Variants in ZBTB17 observed in about 807,000 individuals in gnomAD.
ZBTB17 encodes the protein zinc finger and BTB domain containing 17.
In ZBTB17, 24 loss-of-function variants were observed where a neutral mutation model predicts 85.1. The observed-to-expected ratio is 0.28, with a 90% CI of 0.20 to 0.40. The LOEUF (loss-of-function observed/expected upper bound fraction) is 0.40. Ranked by LOEUF, ZBTB17 falls within the 10% of genes least tolerant of loss-of-function variation. The pLI is 1.00. For missense variants in ZBTB17, 743 were observed against 1,105.1 expected (o/e 0.67, Z 4.65); for synonymous variants, 464 against 460.2 (o/e 1.01, Z -0.11).
chr1:15,951,267 G>A lies in ZBTB17; in HGVS notation c.-2-2770C>T, dbSNP rs2071826157. ...TGATAAGAAGGGGGGAGGAAGAAGT[G>A]AAGATGGGCAAAGTAAGGGAAGGAA... On this transcript the variant is annotated intron_variant, in intron 2 of 15. Coordinates refer to ENST00000375743, the MANE Select transcript of ZBTB17 (RefSeq NM_003443.3). This position sits in a 1 kb window ranked among gnomAD's most constrained non-coding sequence, Gnocchi z 4.1. Among the ~76,000 whole-genome samples the A allele has an allele frequency of 6.7e-6, 1 of 148,756 alleles. No individual in the cohort carries two copies. Among genetic ancestry groups the A allele is most frequent in the South Asian group, 2.2e-4 (1 of 4,452 alleles).
chr1:15,943,220 C>A, intron 12 of ZBTB17, 26 bp from the exon 13 acceptor site: 1 of 1,614,108 alleles, frequency 6.2e-7, no homozygotes, highest in South Asian at 1.1e-5. Flanking sequence ...AAGGGACTCG[C>A]ATGGAACTGC....
At position 15,945,815 on chromosome 1, in the gene ZBTB17, A is replaced by G. The variant is rs1240323823; in HGVS notation, c.561T>C (p.Asp187=). Residue 187 remains aspartate, a synonymous_variant, in exon 6 of 16, where the codon GAT becomes GAC. Coordinates refer to ENST00000375743, the MANE Select transcript of ZBTB17 (RefSeq NM_003443.3). Reference sequence around the variant, plus strand: ...CCACAGGCGGCGGCTCCCGGGGCGCATCGGCTTTCTCTGTCTGCTCTGCAC... The same window carrying G: ...CCACAGGCGGCGGCTCCCGGGGCGCGTCGGCTTTCTCTGTCTGCTCTGCAC... The part of the protein sequence containing the change: ...ASGAEQTEKA[D]APREPPPVEL... 4 of 1,601,402 alleles carry G rather than the reference A, an allele frequency of 2.5e-6. No individual in the cohort carries two copies. The highest frequency in any genetic ancestry group is 1.7e-5 in the Admixed American group (1 of 59,790).
intron 6 of ZBTB17, 98 bp from the exon 7 acceptor site, chr1:15,945,300 A>G (rs1215244180): frequency 1.4e-6 from 2 of 1,481,340 alleles, no homozygotes; most frequent in Non-Finnish European, 1.8e-6. Context: ...AAATGGCCCC[A>G]GCACTGGCCA....
At chr1:15,969,661 T>C (rs2072570626) in intron 2 of ZBTB17, 1 of 456,162 alleles carries the variant, frequency 2.2e-6, no homozygotes, top group East Asian at 6.7e-5. Context: ...AGGATGTCTC[T>C]TTCTGACTGC....
chr1:15,956,944 G>A (rs890167553), intron 2 of ZBTB17, among the ~76,000 whole-genome samples: 7 of 152,184 alleles, frequency 4.6e-5, no homozygotes, highest in African/African-American at 1.7e-4. Context: ...ACTTTGGGAC[G>A]CTGAGGCGGG....
At chr1:15,942,503 T>C in intron 14 of ZBTB17, 26 bp downstream of exon 14, 1 of 1,610,016 alleles carries the variant, frequency 6.2e-7, no homozygotes, top group Non-Finnish European at 8.5e-7. Flanking sequence ...TGCCTGTGAC[T>C]TCCCTCTGCT....
chr1:15,955,908 AG>A (rs1242076248), intron 2 of ZBTB17, among the ~76,000 whole-genome samples: 1 of 152,192 alleles, frequency 6.6e-6, no homozygotes. Flanking sequence ...CACACTTTTG[AG>A]GGGGCAGACA....
At chr1:15,971,473 ACT>A (rs2072667724) in intron 2 of ZBTB17, among the ~76,000 whole-genome samples, 1 of 130,938 alleles carries the variant, frequency 7.6e-6, no homozygotes, top group Non-Finnish European at 1.7e-5. Context: ...ATACACACAC[ACT>A]ATATATATAC....
chr1:15,957,699 C>T lies in ZBTB17; in HGVS notation c.-2-9202G>A, dbSNP rs1237367035. Among the ~76,000 whole-genome samples, 3 of 152,204 alleles carry T rather than the reference C, an allele frequency of 2.0e-5. No homozygotes were observed. The South Asian group carries it at 6.2e-4, about 32-fold the overall frequency. On this transcript the variant is annotated intron_variant, in intron 2 of 15. Transcript: ENST00000375743. Reference sequence around the variant, plus strand: ...ACAGTAGAGAAGAGACAGCAGTGGCCTCACCAAGGAGGTAGAAAACAGGCG... The same window carrying T: ...ACAGTAGAGAAGAGACAGCAGTGGCTTCACCAAGGAGGTAGAAAACAGGCG...
rs1450582932 is a variant in ZBTB17 at position 15,966,758 on chromosome 1, T to C, written c.-3+6281A>G. Among the ~76,000 whole-genome samples the C allele has an allele frequency of 6.6e-6, 1 of 152,046 alleles. No homozygotes were observed. The highest frequency in any genetic ancestry group is 1.5e-5 in the Non-Finnish European group (1 of 68,016). On this transcript the variant is annotated intron_variant, in intron 2 of 15. Transcript: ENST00000375743. The surrounding 1 kb of genome is among the most constrained non-coding windows in gnomAD (Gnocchi z 4.1). ...AGGTTCAATGAGCCACAGTACTTAC[T>C]CTCTGACCTCTATTATTTCAACCAT...
rs942486829 is a variant in ZBTB17, at chr1:15,945,011, G to A, written c.853C>T (p.Arg285Trp). ...CCGTAGGTGCCTGAGCGCAGGCCCC[G>A]GGCCTCGGAGCCGAGCTCCTGCCCC... The part of the protein sequence containing the change: ...DSGQELGSEA[R>W]GLRSGTYGDR... The change falls in exon 7 of 16, where the codon CGG becomes TGG. Residue 285 changes from arginine (R) to tryptophan (W), a missense_variant. Around this residue, in one of 4 missense-constraint regions of ZBTB17, gnomAD observed 279 missense variants for 269.9 expected, o/e 1.03. Transcript: ENST00000375743. 1 of 1,599,120 alleles carries A rather than the reference G, an allele frequency of 6.3e-7. No homozygotes were observed. Among genetic ancestry groups the A allele is most frequent in the South Asian group, 1.1e-5 (1 of 88,728 alleles).
In ZBTB17 at chr1:15,976,045, G is replaced by C. The variant is rs777084258; in HGVS notation, c.-152C>G. On this transcript the variant is annotated 5_prime_UTR_variant, in exon 1 of 16. Coordinates refer to ENST00000375743, the MANE Select transcript of ZBTB17 (RefSeq NM_003443.3). Reference sequence around the variant, plus strand: ...TCACGGCCGCGAGAAGGCCGGGGACGGCACTCCAGAGCAGACAAAGGGCGC... The same window carrying C: ...TCACGGCCGCGAGAAGGCCGGGGACCGCACTCCAGAGCAGACAAAGGGCGC... 2.4e-4 allele frequency: 164 copies of C among 694,736 alleles called. No individual in the cohort carries two copies. The highest frequency in any genetic ancestry group is 3.4e-4 in the Non-Finnish European group (130 of 381,166). 43.0% of individuals were successfully genotyped at this position (694,736 alleles called of 1,614,324 possible). A position where few individuals can be genotyped will look rare whatever the true frequency, so the allele number is the denominator to read the frequency against.
intron 2 of ZBTB17, among the ~76,000 whole-genome samples, chr1:15,955,472 A>C (rs892313355): frequency 6.6e-6 from 1 of 152,212 alleles, no homozygotes; most frequent in Non-Finnish European, 1.5e-5. Context: ...TTTCCACTGG[A>C]GAGTACCCAT....
chr1:15,948,471 G>A lies in ZBTB17; in HGVS notation c.25C>T (p.His9Tyr). 4 of 1,613,894 alleles carry A rather than the reference G, an allele frequency of 2.5e-6. No homozygotes were observed. Among genetic ancestry groups the A allele is most frequent in the Non-Finnish European group, 3.4e-6 (4 of 1,179,932 alleles). MDFPQHSQ[H>Y]VLEQLNQQRQ... Reference sequence around the variant, plus strand: ...TGCTGGTTCAGCTGTTCCAAGACATGCTGGCTGTGCTGGGGAAAGTCCATG... The same window carrying A: ...TGCTGGTTCAGCTGTTCCAAGACATACTGGCTGTGCTGGGGAAAGTCCATG... Residue 9 changes from histidine (H) to tyrosine (Y), a missense_variant, in exon 3 of 16, where the codon CAT (histidine) becomes TAT (tyrosine). Physicochemically the swap from His to Tyr is moderately conservative, Grantham distance 83 (BLOSUM62 2). Coordinates refer to ENST00000375743, the MANE Select transcript of ZBTB17 (RefSeq NM_003443.3).
intron 2 of ZBTB17, among the ~76,000 whole-genome samples, chr1:15,967,516 CA>C (rs75034940): frequency 0.041 from 5,709 of 139,690 alleles, 297 homozygotes; most frequent in African/African-American, 0.13. Flanking sequence ...CTGTCTCTAC[CA>C]AAAAAAAAAA....
Position 15,945,152 on chromosome 1 carries a change from CTTGCTCCTT to C in ZBTB17, c.703_711del (p.Lys235_Gln237del), listed in dbSNP as rs756589533. 239 of 1,584,898 alleles carry C rather than the reference CTTGCTCCTT, an allele frequency of 1.5e-4. No individual in the cohort carries two copies. The highest frequency in any genetic ancestry group is 2.0e-4 in the Admixed American group (11 of 55,718). On this transcript the variant is annotated inframe_deletion, in exon 7 of 16. Coordinates refer to ENST00000375743, the MANE Select transcript of ZBTB17 (RefSeq NM_003443.3). Reference sequence around the variant, plus strand: ...CCTGCGCCCTCCTCCTCTTGCTCCTCTTGCTCCTTTTGCTCCTCTTCCCCTTTCCGGGCG... The same window carrying C: ...CCTGCGCCCTCCTCCTCTTGCTCCTCTTGCTCCTCTTCCCCTTTCCGGGCG...
chr1:15,968,152 A>G (rs1247301035), intron 2 of ZBTB17, among the ~76,000 whole-genome samples: 1 of 152,202 alleles, frequency 6.6e-6, no homozygotes, highest in Non-Finnish European at 1.5e-5. Context: ...AGACAAAAAG[A>G]CAGAGAAACC....
intron 2 of ZBTB17, among the ~76,000 whole-genome samples, chr1:15,960,369 A>T (rs2072214321): frequency 6.6e-6 from 1 of 152,260 alleles, no homozygotes; most frequent in South Asian, 2.1e-4. Context: ...CAAGGCTGAT[A>T]AATTATAGAA....
Position 15,951,311 on chromosome 1 carries a change from G to A in ZBTB17, c.-2-2814C>T, listed in dbSNP as rs1270012542. ...GAAGGAAAGGAGAGAGAAGAAGGAA[G>A]GAAGGAAGGGAGAGAGGGAGGGAGG... On this transcript the variant is annotated intron_variant, in intron 2 of 15. Transcript: ENST00000375743. This position sits in a 1 kb window ranked among gnomAD's most constrained non-coding sequence, Gnocchi z 4.1. Among the ~76,000 whole-genome samples the A allele has an allele frequency of 2.7e-5, 4 of 150,184 alleles. No individual in the cohort carries two copies. The highest frequency in any genetic ancestry group is 1.0e-4 in the African/African-American group (4 of 39,802).
Sources: gnomAD v4.1 joint callset for allele counts (sites outside exome capture counted in the v4.1 genomes callset) on GRCh38, gnomAD v4.1.1 for gene constraint, gnomAD v4.1.1 regional missense constraint, Gnocchi (gnomAD v3.1) non-coding constraint, MANE v1.5 for transcripts, NCBI Gene and HGNC (gene_info 2026-07-23, HGNC 2026-07-21) for gene names.